The following COG5 variants were observed in gnomAD, a reference collection of about 807,000 sequenced individuals.
COG5 encodes the protein conserved oligomeric Golgi complex subunit 5.
A neutral mutation model predicts 110.4 loss-of-function variants in COG5; 86 were observed. The observed-to-expected ratio is 0.78, with a 90% CI of 0.65 to 0.93. The LOEUF (loss-of-function observed/expected upper bound fraction) is 0.93, where lower values mean the gene tolerates loss of function less well. COG5 is among the 40% of genes least tolerant of loss of function. COG5 has a pLI of 0.00. For synonymous variants in COG5, 360 were observed against 334.6 expected, an observed-to-expected ratio of 1.08 and a Z score of -0.83; for missense variants, 1,077 against 987.0, an observed-to-expected ratio of 1.09 and a Z score of -1.22.
At chr7:107,455,375 T>C (rs956701785) in intron 6 of COG5, among the ~76,000 whole-genome samples, 1 of 152,250 alleles carries the variant, frequency 6.6e-6, no homozygotes, top group South Asian at 2.1e-4. Context: ...TTAGATGAGA[T>C]GCACAGGAAG....
intron 6 of COG5, among the ~76,000 whole-genome samples, chr7:107,466,494 G>A (rs1796306137): frequency 6.6e-6 from 1 of 152,180 alleles, no homozygotes; most frequent in African/African-American, 2.4e-5. Flanking sequence ...TTTTCTATCT[G>A]TTAAGTGTAT....
chr7:107,321,274 C>T (rs1809246998), intron 11 of COG5, among the ~76,000 whole-genome samples: 1 of 151,998 alleles, frequency 6.6e-6, no homozygotes, highest in Admixed American at 6.6e-5. Flanking sequence ...GTTAGAACTG[C>T]ATGCTAAAAA....
In COG5 at chr7:107,546,731, T is replaced by C. The variant is rs1802484804; in HGVS notation, c.417+1380A>G. Among the ~76,000 whole-genome samples the C allele has an allele frequency of 1.3e-5, 2 of 152,036 alleles. 1 individual carries two copies. The highest frequency in any genetic ancestry group is 4.1e-4 in the South Asian group (2 of 4,836). ...GATATTACAAAAATATAAAGAATTA[T>C]AAGAAACTACTATGAACAAATATAT... On this transcript the variant is annotated intron_variant, in intron 5 of 21. Coordinates refer to ENST00000297135, the MANE Select transcript of COG5 (RefSeq NM_006348.5).
At chr7:107,533,003 G>GGACATATACACCCTCCCAAGACTAAAC in intron 5 of COG5, among the ~76,000 whole-genome samples, 4 of 147,702 alleles carry the variant, frequency 2.7e-5, no homozygotes, top group African/African-American at 1.1e-4. Flanking sequence ...TTGCTGTTCT[G>GGACATATACACCCTCCCAAGACTAAAC]CAGCCTCCAC....
At chr7:107,350,595 T>C (rs921651379) in intron 10 of COG5, among the ~76,000 whole-genome samples, 2 of 152,128 alleles carry the variant, frequency 1.3e-5, no homozygotes, top group African/African-American at 2.4e-5. Context: ...TTCTAGTTTA[T>C]GAGATTGGCA....
chr7:107,527,222 A>C lies in COG5; in HGVS notation c.538+15T>G, dbSNP rs1800832577. On this transcript the variant is annotated intron_variant, in intron 6 of 21. Coordinates refer to ENST00000297135, the MANE Select transcript of COG5 (RefSeq NM_006348.5). ...TCTCTACTAACTTTTTATTTAAAAA[A>C]AAAAAAAAACTTACCAAGTTCATTG... is the stretch of plus-strand genomic sequence containing the variant. The C allele has an allele frequency of 6.5e-7, 1 of 1,531,252 alleles. No individual in the cohort carries two copies. The highest frequency in any genetic ancestry group is 8.8e-7 in the Non-Finnish European group (1 of 1,140,086). The allele number at this position is 1,531,252 out of a possible 1,614,324, so 94.9% of individuals were successfully genotyped here. A position where few individuals can be genotyped will look rare whatever the true frequency, so the allele number is the denominator to read the frequency against.
intron 14 of COG5, among the ~76,000 whole-genome samples, chr7:107,262,930 G>A (rs1584590339): frequency 6.6e-6 from 1 of 152,122 alleles, no homozygotes. Flanking sequence ...CTTAAAAATG[G>A]TAATACCACA....
intron 6 of COG5, among the ~76,000 whole-genome samples, chr7:107,521,475 G>A (rs2129152012): frequency 6.6e-6 from 1 of 152,262 alleles, no homozygotes; most frequent in East Asian, 1.9e-4. Flanking sequence ...CACAAAGTGG[G>A]CAAAGGTTAT....
Position 107,297,443 on chromosome 7 carries a change from C to CTTTTTTTTTTTT in COG5, c.1313+687_1313+698dup, listed in dbSNP as rs71314693. ...TACCCAAGGGATGAGTACATTCTGC[C>CTTTTTTTTTTTT]TTTTTTTTTTTTTTTTTTTTTTTGA... On this transcript the variant is annotated intron_variant, in intron 12 of 21. Coordinates refer to ENST00000297135, the MANE Select transcript of COG5 (RefSeq NM_006348.5). Among the ~76,000 whole-genome samples, 4 of 77,984 alleles carry CTTTTTTTTTTTT rather than the reference C, an allele frequency of 5.1e-5. No homozygotes were observed. The East Asian group carries it at 1.3e-3, about 26-fold the overall frequency. The allele number at this position is 77,984 out of a possible 152,430, so 51.2% of individuals were successfully genotyped here.
intron 5 of COG5, among the ~76,000 whole-genome samples, chr7:107,539,542 G>C (rs1322466858): frequency 1.3e-5 from 2 of 152,212 alleles, no homozygotes; most frequent in African/African-American, 4.8e-5. Context: ...GCTTGGCGTA[G>C]AGAAGTGGAT....
chr7:107,274,799 C>T (rs184588532), intron 14 of COG5, among the ~76,000 whole-genome samples: 1 of 152,226 alleles, frequency 6.6e-6, no homozygotes, highest in East Asian at 1.9e-4. Context: ...CTAACAATTT[C>T]AAATTTTTTA....
intron 7 of COG5, among the ~76,000 whole-genome samples, chr7:107,375,018 G>A (rs187038970): frequency 6.6e-6 from 1 of 152,014 alleles, no homozygotes; most frequent in East Asian, 1.9e-4. Flanking sequence ...TTTGAATCTT[G>A]TGTAGCTCCC....
At chr7:107,338,278 G>A (rs974593143) in intron 10 of COG5, among the ~76,000 whole-genome samples, 4 of 152,022 alleles carry the variant, frequency 2.6e-5, no homozygotes, top group Non-Finnish European at 5.9e-5. Flanking sequence ...AAAACAGTAT[G>A]GTACCGGTAT....
intron 6 of COG5, among the ~76,000 whole-genome samples, chr7:107,523,879 T>C (rs1800529753): frequency 6.6e-6 from 1 of 152,116 alleles, no homozygotes; most frequent in Admixed American, 6.6e-5. Context: ...CTTGGCAATT[T>C]TTTAAAAAGT....
chr7:107,206,041 A>G (rs1798753520), intron 21 of COG5, among the ~76,000 whole-genome samples: 1 of 151,634 alleles, frequency 6.6e-6, no homozygotes, highest in African/African-American at 2.4e-5. Flanking sequence ...GCTCACTGCA[A>G]GCTCCGCCTC....
At chr7:107,495,056 A>G (rs1798191158) in intron 6 of COG5, among the ~76,000 whole-genome samples, 1 of 152,076 alleles carries the variant, frequency 6.6e-6, no homozygotes, top group Admixed American at 6.6e-5. Flanking sequence ...AGAGGAATCT[A>G]CCCTTACAAG....
At chr7:107,449,719 C>T (rs751378084) in intron 6 of COG5, among the ~76,000 whole-genome samples, 2 of 152,142 alleles carry the variant, frequency 1.3e-5, no homozygotes, top group Non-Finnish European at 2.9e-5. Flanking sequence ...AATTTTGAGA[C>T]CTGCAGCTAT....
At chr7:107,511,081 G>C (rs10255867) in intron 6 of COG5, among the ~76,000 whole-genome samples, 26,448 of 129,874 alleles carry the variant, frequency 0.2, 3,197 homozygotes, top group East Asian at 0.26. Flanking sequence ...ACAAAATACC[G>C]TTCAAAAAAT....
At chr7:107,488,322 T>C (rs1797772829) in intron 6 of COG5, among the ~76,000 whole-genome samples, 1 of 151,966 alleles carries the variant, frequency 6.6e-6, no homozygotes, top group Non-Finnish European at 1.5e-5. Context: ...ATAAAATAAA[T>C]TGGTCTTCTG....
Sources: gnomAD v4.1 joint callset for allele counts (sites outside exome capture counted in the v4.1 genomes callset) on GRCh38, gnomAD v4.1.1 for gene constraint, MANE v1.5 for transcripts, NCBI Gene and HGNC (gene_info 2026-07-23, HGNC 2026-07-21) for gene names.